NCOA1: variants seen among roughly 807,000 people sequenced by gnomAD.
NCOA1 encodes Hin-2 protein.
A neutral mutation model predicts 150.9 loss-of-function variants in NCOA1; 35 were observed. The ratio of observed to expected loss-of-function variants is 0.23; its 90% CI spans 0.18 to 0.31. The LOEUF (loss-of-function observed/expected upper bound fraction) is 0.31, where lower values mean the gene tolerates loss of function less well. NCOA1 is among the 10% of genes least tolerant of loss of function. The pLI, the probability that NCOA1 is intolerant of heterozygous loss-of-function variation, is 1.00. For missense variants in NCOA1, 1,491 were observed against 1,749.3 expected (o/e 0.85, Z 2.63); for synonymous variants, 590 against 630.0 (o/e 0.94, Z 0.95).
intron 22 of NCOA1, 73 bp downstream of exon 22, chr2:24,762,849 T>C: frequency 7.4e-7 from 1 of 1,356,612 alleles, no homozygotes; most frequent in Non-Finnish European, 1.1e-6. Flanking sequence ...TGTAGCATCA[T>C]TAAGAGCCTG....
chr2:24,621,641 G>A (rs1164577743), intron 3 of NCOA1, among the ~76,000 whole-genome samples: 1 of 151,630 alleles, frequency 6.6e-6, no homozygotes, highest in African/African-American at 2.4e-5. Context: ...ACCATGCCCG[G>A]CTAATTTTTT....
chr2:24,666,019 T>C, intron 6 of NCOA1, 104 bp downstream of exon 6: 1 of 723,752 alleles, frequency 1.4e-6, no homozygotes, highest in Non-Finnish European at 1.8e-6. Context: ...TTATTATTAT[T>C]ATTATTTTTT....
intron 1 of NCOA1, among the ~76,000 whole-genome samples, chr2:24,553,273 G>A (rs1665941574): frequency 6.6e-6 from 1 of 151,596 alleles, no homozygotes; most frequent in Non-Finnish European, 1.5e-5. Flanking sequence ...AGGCTGGAGT[G>A]CAGTGGGCGA....
intron 14 of NCOA1, 166 bp downstream of exon 14, chr2:24,711,277 T>A: frequency 1.6e-6 from 1 of 612,292 alleles, no homozygotes; most frequent in Non-Finnish European, 2.6e-6. Context: ...TGAACATCAT[T>A]CATCATGTGT....
At chr2:24,601,612 C>CT (rs112063269) in intron 3 of NCOA1, among the ~76,000 whole-genome samples, 27,179 of 131,896 alleles carry the variant, frequency 0.21, 2,604 homozygotes, top group Non-Finnish European at 0.25. Flanking sequence ...CTCCTTCCTC[C>CT]TTTTTTTTTT....
chr2:24,608,919 T>G (rs1251671213), intron 3 of NCOA1, among the ~76,000 whole-genome samples: 1 of 152,148 alleles, frequency 6.6e-6, no homozygotes, highest in Non-Finnish European at 1.5e-5. Context: ...TGTGAGGTTG[T>G]GGGAAGACTA....
At chr2:24,737,092 C>T (rs1347017481) in intron 17 of NCOA1, among the ~76,000 whole-genome samples, 1 of 152,180 alleles carries the variant, frequency 6.6e-6, no homozygotes, top group Non-Finnish European at 1.5e-5. Flanking sequence ...GTGTTTGTGT[C>T]TAAGGACTAA....
At chr2:24,593,868 A>C (rs1667762094) in intron 3 of NCOA1, among the ~76,000 whole-genome samples, 1 of 152,178 alleles carries the variant, frequency 6.6e-6, no homozygotes, top group Admixed American at 6.6e-5. Flanking sequence ...AAACTAAAAC[A>C]GCTGAAGAGA....
chr2:24,688,877 TG>T (rs1672532821), intron 8 of NCOA1, among the ~76,000 whole-genome samples: 1 of 152,222 alleles, frequency 6.6e-6, no homozygotes, highest in South Asian at 2.1e-4. Flanking sequence ...TTTATAGTTT[TG>T]GGTTTTACAT....
intron 1 of NCOA1, among the ~76,000 whole-genome samples, chr2:24,495,995 AT>A (rs1462312438): frequency 2.0e-5 from 3 of 151,900 alleles, no homozygotes; most frequent in Admixed American, 6.6e-5. Context: ...TTTTTCCTTT[AT>A]TTCTGGTTCT....
intron 20 of NCOA1, among the ~76,000 whole-genome samples, chr2:24,757,724 G>A (rs1002709446): frequency 6.6e-6 from 1 of 152,074 alleles, no homozygotes; most frequent in African/African-American, 2.4e-5. Flanking sequence ...TTATTTAGAT[G>A]ATTGTAGCCT....
intron 3 of NCOA1, among the ~76,000 whole-genome samples, chr2:24,622,478 A>C (rs1047158606): frequency 1.3e-5 from 2 of 152,198 alleles, no homozygotes; most frequent in African/African-American, 4.8e-5. Context: ...ACTTATGATT[A>C]TGTCTTTGTA....
chr2:24,640,684 T>C (rs1430384398), intron 3 of NCOA1, among the ~76,000 whole-genome samples: 1 of 152,170 alleles, frequency 6.6e-6, no homozygotes, highest in African/African-American at 2.4e-5. Context: ...TCCTGATGCA[T>C]TGGCTTTCTT....
Position 24,596,142 on chromosome 2 carries a change from C to A in NCOA1, c.-175+11582C>A, listed in dbSNP as rs142575810. Among the ~76,000 whole-genome samples, 49 of 152,224 alleles carry A rather than the reference C, an allele frequency of 3.2e-4. No homozygotes were observed. The East Asian group carries it at 8.9e-3, about 28-fold the overall frequency. On this transcript the variant is annotated intron_variant, in intron 3 of 22. Transcript: ENST00000348332. ...CAAAAGAGCCCCATTGTGTCCCCTG[C>A]TAATTTGACAAGGATTAAACTACAG...
intron 1 of NCOA1, among the ~76,000 whole-genome samples, chr2:24,505,200 T>C (rs1398332446): frequency 6.6e-6 from 1 of 152,052 alleles, no homozygotes; most frequent in Non-Finnish European, 1.5e-5. Flanking sequence ...TCTTTTTTTT[T>C]TTTGAGACGG....
intron 1 of NCOA1, among the ~76,000 whole-genome samples, chr2:24,561,432 A>G (rs1340292726): frequency 1.3e-5 from 2 of 152,232 alleles, no homozygotes; most frequent in Non-Finnish European, 2.9e-5. Context: ...ATGTTAGTCT[A>G]TGAAACAAAA....
At chr2:24,726,474 C>G in intron 14 of NCOA1, 115 bp from the exon 15 acceptor site, 1 of 583,356 alleles carries the variant, frequency 1.7e-6, no homozygotes, top group Non-Finnish European at 3.1e-6. Context: ...ACCTTTGTAT[C>G]ATTGAAGTAA....
chr2:24,571,476 C>A (rs1172501514), intron 2 of NCOA1, among the ~76,000 whole-genome samples: 2 of 152,170 alleles, frequency 1.3e-5, no homozygotes, highest in East Asian at 3.8e-4. Context: ...ATTAGATCCT[C>A]ACAAGAATGC....
intron 1 of NCOA1, among the ~76,000 whole-genome samples, chr2:24,525,821 T>G (rs1664629972): frequency 6.6e-6 from 1 of 152,202 alleles, no homozygotes; most frequent in South Asian, 2.1e-4. Context: ...GTGCTGGGAT[T>G]ACAGGCATGA....
Sources: gnomAD v4.1 joint callset for allele counts (sites outside exome capture counted in the v4.1 genomes callset) on GRCh38, gnomAD v4.1.1 for gene constraint, MANE v1.5 for transcripts, NCBI Gene and HGNC (gene_info 2026-07-23, HGNC 2026-07-21) for gene names.